TXNDC15: variants seen among roughly 807,000 people sequenced by gnomAD.
TXNDC15 encodes thioredoxin domain-containing protein 15.
A neutral mutation model predicts 35.0 loss-of-function variants in TXNDC15; 24 were observed. The ratio of observed to expected loss-of-function variants is 0.68; its 90% confidence interval spans 0.50 to 0.96. The LOEUF (loss-of-function observed/expected upper bound fraction) is 0.96, where lower values mean the gene tolerates loss of function less well. TXNDC15 is among the 40% of genes least tolerant of loss of function. The pLI is 0.00. For synonymous variants in TXNDC15, 169 were observed against 174.0 expected (o/e 0.97, Z 0.23); for missense variants, 385 against 453.3 (o/e 0.85, Z 1.37).
At chr5:134,896,474 C>T (rs1290046447) in intron 4 of TXNDC15, 50 bp downstream of exon 4, 3 of 1,604,194 alleles carry the variant, frequency 1.9e-6, no homozygotes, top group Non-Finnish European at 2.6e-6. Flanking sequence ...TGCTGGGGGT[C>T]TGTGCCTTCT....
At chr5:134,882,417 C>G (rs946861261) in intron 1 of TXNDC15, among the ~76,000 whole-genome samples, 1 of 152,014 alleles carries the variant, frequency 6.6e-6, no homozygotes, top group Admixed American at 6.5e-5. Context: ...CAGGCAGAGA[C>G]GCTCCTCACT....
chr5:134,876,210 G>A (rs947409374), intron 1 of TXNDC15, among the ~76,000 whole-genome samples: 4 of 152,124 alleles, frequency 2.6e-5, no homozygotes, highest in African/African-American at 9.7e-5. Context: ...CCCCTCCACC[G>A]TGCTCTGTGC....
chr5:134,898,271 C>G (rs1939453410), intron 4 of TXNDC15, among the ~76,000 whole-genome samples: 1 of 152,194 alleles, frequency 6.6e-6, no homozygotes, highest in African/African-American at 2.4e-5. Flanking sequence ...TTTGCTGCTA[C>G]TGTTCCATTT....
chr5:134,895,361 C>A (rs1750468605), intron 3 of TXNDC15, among the ~76,000 whole-genome samples: 1 of 152,210 alleles, frequency 6.6e-6, no homozygotes, highest in African/African-American at 2.4e-5. Flanking sequence ...CAGATCACGT[C>A]AGTGTCCAGC....
chr5:134,874,592 C>T, intron 1 of TXNDC15, 62 bp downstream of exon 1: 2 of 1,362,866 alleles, frequency 1.5e-6, no homozygotes, highest in Non-Finnish European at 2.0e-6. Flanking sequence ...ACCCGGGCGA[C>T]GCTCTGGACC....
chr5:134,888,256 A>G (rs2150187724), intron 2 of TXNDC15, 74 bp downstream of exon 2: 1 of 1,374,146 alleles, frequency 7.3e-7, no homozygotes, highest in Non-Finnish European at 9.9e-7. Flanking sequence ...ATCAACTTTG[A>G]AATGGAAAAT....
At position 134,874,387 on chromosome 5, in the gene TXNDC15, G is replaced by C. The variant is rs761939642; in HGVS notation, c.-41G>C. 9.8e-6 allele frequency: 15 copies of C among 1,526,936 alleles called. No homozygotes were observed. The Admixed American group carries it at 2.3e-4, about 23-fold the overall frequency. 94.6% of individuals were successfully genotyped at this position (1,526,936 alleles called of 1,614,324 possible). On this transcript the variant is annotated 5_prime_UTR_variant, in exon 1 of 5. Coordinates refer to ENST00000358387, the MANE Select transcript of TXNDC15 (RefSeq NM_024715.4). ...CCAGCCTTCCTCCGGCTGGCAGCAC[G>C]ACTCGCGTAGCCGTGCGCCGATTGC...
In TXNDC15 at chr5:134,874,542, C is replaced by A; in HGVS notation, c.103+12C>A. On this transcript the variant is annotated intron_variant, in intron 1 of 4. Transcript: ENST00000358387. ...CCGCGGCGTGGAGGGTGAGTGTGGGCCGGGGGCGGTGCATGAGATGATGGG... is the reference window on the plus strand; with the variant it reads ...CCGCGGCGTGGAGGGTGAGTGTGGGACGGGGGCGGTGCATGAGATGATGGG... The A allele has an allele frequency of 6.3e-7, 1 of 1,590,708 alleles. No homozygotes were observed. Among genetic ancestry groups the A allele is most frequent in the Non-Finnish European group, 8.5e-7 (1 of 1,172,572 alleles).
chr5:134,889,536 T>G lies in TXNDC15; in HGVS notation c.591+1354T>G, dbSNP rs1036679790. Among the ~76,000 whole-genome samples, 3 of 152,354 alleles carry G rather than the reference T, an allele frequency of 2.0e-5. No homozygotes were observed. In the East Asian group the frequency reaches 5.8e-4, roughly 29 times the overall value. On this transcript the variant is annotated intron_variant, in intron 2 of 4. Coordinates refer to ENST00000358387, the MANE Select transcript of TXNDC15 (RefSeq NM_024715.4). ...ACTGTGGCTGGCTAGGACAGTGTAC[T>G]CTTGAATTGATCTAACCTTTGGCCA...
At chr5:134,875,414 A>G (rs976606924) in intron 1 of TXNDC15, 1 of 456,142 alleles carries the variant, frequency 2.2e-6, no homozygotes, top group South Asian at 1.5e-5. Flanking sequence ...TAGTAACACA[A>G]TTACCATGAA....
At chr5:134,893,306 C>A in intron 2 of TXNDC15, 186 bp from the exon 3 acceptor site, 1 of 569,158 alleles carries the variant, frequency 1.8e-6, no homozygotes, top group Non-Finnish European at 3.1e-6. Flanking sequence ...GTCATTTGAT[C>A]ATACTTTTTT....
chr5:134,875,565 T>C (rs368457740), intron 1 of TXNDC15, among the ~76,000 whole-genome samples: 17 of 152,308 alleles, frequency 1.1e-4, no homozygotes, highest in African/African-American at 4.1e-4. Flanking sequence ...TGGCCCATCA[T>C]GGCTCCCTGC....
Position 134,893,562 on chromosome 5 carries a change from G to A in TXNDC15, c.662G>A (p.Arg221His), listed in dbSNP as rs763639882. The A allele has an allele frequency of 1.7e-5, 27 of 1,614,142 alleles. No homozygotes were observed. Among genetic ancestry groups the A allele is most frequent in the Admixed American group, 6.7e-5 (4 of 60,022 alleles). The change falls in exon 3 of 5, where the codon CGC becomes CAC. Residue 221 changes from arginine (R) to histidine (H), a missense_variant. By Grantham distance (29) the Arg-to-His change is conservative. Transcript: ENST00000358387. ...TLVLFYTPWC[R>H]FSASLAPHFN... ...GTCCTGTTTTACACCCCGTGGTGCC[G>A]CTTTTCTGCCAGTTTGGCCCCTCAC...
chr5:134,894,993 G>A (rs1265340786), intron 3 of TXNDC15, among the ~76,000 whole-genome samples: 1 of 151,968 alleles, frequency 6.6e-6, no homozygotes, highest in Non-Finnish European at 1.5e-5. Flanking sequence ...GGACAACATG[G>A]CAGAACTCCA....
chr5:134,890,586 T>A (rs979149125), intron 2 of TXNDC15, among the ~76,000 whole-genome samples: 1 of 152,052 alleles, frequency 6.6e-6, no homozygotes, highest in African/African-American at 2.4e-5. Context: ...ATTTTTGTAT[T>A]TTTAGTAGAG....
In TXNDC15 at chr5:134,901,433, G is replaced by A. The variant is rs1439695598; in HGVS notation, c.*1748G>A. 6.6e-6 allele frequency: 1 copy of A among 152,148 alleles called. No homozygotes were observed. Among genetic ancestry groups the A allele is most frequent in the African/African-American group, 2.4e-5 (1 of 41,428 alleles). The allele number at this position is 152,148 out of a possible 1,614,324, so 9.4% of individuals were successfully genotyped here. ...ATAGAGAGTTAGATAACTTGCCCAG[G>A]TTACACAGATTGTAAGTTGATGAAG... is the stretch of plus-strand genomic sequence containing the variant. On this transcript the variant is annotated 3_prime_UTR_variant, in exon 5 of 5. Coordinates refer to ENST00000358387, the MANE Select transcript of TXNDC15 (RefSeq NM_024715.4).
chr5:134,897,422 A>AT (rs1226195815), intron 4 of TXNDC15, among the ~76,000 whole-genome samples: 1 of 132,736 alleles, frequency 7.5e-6, no homozygotes, highest in Admixed American at 7.6e-5. Context: ...TAATTTTTGT[A>AT]TTTTTTAGTA....
Position 134,888,029 on chromosome 5 carries a change from G to GTAT in TXNDC15, c.441_443dup (p.Tyr148dup), listed in dbSNP as rs779145297. The GTAT allele has an allele frequency of 4.3e-6, 7 of 1,614,202 alleles. No homozygotes were observed. The highest frequency in any genetic ancestry group is 3.4e-6 in the Non-Finnish European group (4 of 1,180,038). On this transcript the variant is annotated inframe_insertion, in exon 2 of 5. Transcript: ENST00000358387. ...CACACTTCCCTGACAGAGAAGAGGA[G>GTAT]TATTACACAGAGCCAGAAGTGGCGG...
chr5:134,897,560 C>G (rs1489300020), intron 4 of TXNDC15, among the ~76,000 whole-genome samples: 1 of 152,226 alleles, frequency 6.6e-6, no homozygotes, highest in East Asian at 1.9e-4. Context: ...ATTATAGATA[C>G]TTTAAAACAA....
Sources: allele counts gnomAD v4.1 joint callset (sites outside exome capture counted in the v4.1 genomes callset), GRCh38; gene constraint gnomAD v4.1.1; transcripts MANE v1.5; gene names NCBI Gene and HGNC (gene_info 2026-07-23, HGNC 2026-07-21).